The following HERC1 variants were observed in gnomAD, a reference collection of about 807,000 sequenced individuals.
The protein encoded by HERC1 is HECT and RLD domain containing E3 ubiquitin protein ligase family member 1.
Under a neutral mutation model 554.3 loss-of-function variants are expected in HERC1, and 160 were observed. The ratio of observed to expected loss-of-function variants is 0.29; its 90% confidence interval spans 0.25 to 0.33. The LOEUF (loss-of-function observed/expected upper bound fraction) is 0.33, where lower values mean the gene tolerates loss of function less well. Among genes scored for constraint, HERC1 ranks in the 10% least tolerant of loss-of-function variants. The pLI, the probability that HERC1 is intolerant of heterozygous loss-of-function variation, is 1.00. For missense variants in HERC1, 4,919 were observed against 5,918.5 expected (o/e 0.83, Z 5.54); for synonymous variants, 2,175 against 2,131.7 (o/e 1.02, Z -0.56).
intron 2 of HERC1, among the ~76,000 whole-genome samples, chr15:63,770,735 G>C (rs1434607144): frequency 1.3e-5 from 2 of 152,222 alleles, no homozygotes; most frequent in Non-Finnish European, 2.9e-5. Flanking sequence ...AGATGGTTAT[G>C]TGTCTCTCCC....
chr15:63,712,673 T>G (rs559252868), intron 24 of HERC1, 102 bp downstream of exon 24: 54 of 1,043,238 alleles, frequency 5.2e-5, no homozygotes, highest in Non-Finnish European at 6.6e-5. Context: ...GAAAAAATTT[T>G]TATATGTCTA....
At position 63,675,066 on chromosome 15, in the gene HERC1, G is replaced by C. The variant is rs1156634894; in HGVS notation, c.7122C>G (p.Pro2374=). The change falls in exon 38 of 78, where the codon CCC becomes CCG. Residue 2374 remains proline, a synonymous_variant. Coordinates refer to ENST00000443617, the MANE Select transcript of HERC1 (RefSeq NM_003922.4). Reference sequence around the variant, plus strand: ...CCACATCAAACGGCAATGGTTCACAGGGTTCCAGATTATACAATGGAGTAT... The same window carrying C: ...CCACATCAAACGGCAATGGTTCACACGGTTCCAGATTATACAATGGAGTAT... ...PSDTPLYNLE[P]CEPLPFDVAR... 2 of 1,613,970 alleles carry C rather than the reference G, an allele frequency of 1.2e-6. No homozygotes were observed. The highest frequency in any genetic ancestry group is 1.7e-5 in the Admixed American group (1 of 60,016).
intron 19 of HERC1, among the ~76,000 whole-genome samples, chr15:63,720,642 G>A (rs1243811283): frequency 6.6e-6 from 1 of 152,082 alleles, no homozygotes; most frequent in Admixed American, 6.5e-5. Context: ...AAATATGCCA[G>A]ATTTTAAGAA....
At chr15:63,832,070 T>G (rs1042546321) in intron 1 of HERC1, among the ~76,000 whole-genome samples, 1 of 152,240 alleles carries the variant, frequency 6.6e-6, no homozygotes, top group Non-Finnish European at 1.5e-5. Flanking sequence ...CAACCCCAGA[T>G]GACAATCTAT....
At chr15:63,764,661 A>C (rs1169561013) in intron 2 of HERC1, among the ~76,000 whole-genome samples, 1 of 152,166 alleles carries the variant, frequency 6.6e-6, no homozygotes, top group Admixed American at 6.5e-5. Context: ...TTTCACCACA[A>C]CCAAGGTCCC....
At chr15:63,661,605 C>A in intron 45 of HERC1, 148 bp downstream of exon 45, 1 of 751,378 alleles carries the variant, frequency 1.3e-6, no homozygotes, top group African/African-American at 1.8e-5. Flanking sequence ...TTTCTGAAAC[C>A]CCTCCATCCC....
At chr15:63,631,042 G>C (rs528512152) in intron 68 of HERC1, among the ~76,000 whole-genome samples, 273 of 152,178 alleles carry the variant, frequency 1.8e-3, no homozygotes, top group African/African-American at 6.4e-3. Context: ...GCAGTGGTGC[G>C]ACCTCGGCTC....
chr15:63,608,915 A>C lies in HERC1; in HGVS notation c.*166T>G. 1.9e-6 allele frequency: 1 copy of C among 522,848 alleles called. No individual in the cohort carries two copies. The highest frequency in any genetic ancestry group is 3.1e-6 in the Non-Finnish European group (1 of 326,598). 32.4% of individuals were successfully genotyped at this position (522,848 alleles called of 1,614,324 possible). ...TTTGTACAATCACAGAAAAATAAAA[A>C]CATCTAATTTCTTTGTTACATTTAG... is the stretch of plus-strand genomic sequence containing the variant. On this transcript the variant is annotated 3_prime_UTR_variant, in exon 78 of 78. Transcript: ENST00000443617.
intron 18 of HERC1, among the ~76,000 whole-genome samples, chr15:63,723,603 A>T (rs1396805483): frequency 1.3e-5 from 2 of 152,172 alleles, no homozygotes; most frequent in Non-Finnish European, 2.9e-5. Context: ...TTGCAGTCAA[A>T]TGCTTTACCT....
chr15:63,673,150 T>C (rs1446370608), intron 38 of HERC1, among the ~76,000 whole-genome samples: 1 of 152,080 alleles, frequency 6.6e-6, no homozygotes, highest in Non-Finnish European at 1.5e-5. Flanking sequence ...CTTCACAATT[T>C]AAAAAGGACA....
At chr15:63,739,645 C>A (rs1433164504) in intron 12 of HERC1, among the ~76,000 whole-genome samples, 1 of 151,906 alleles carries the variant, frequency 6.6e-6, no homozygotes, top group Non-Finnish European at 1.5e-5. Flanking sequence ...TCAAGACCAG[C>A]CTGGCCAACA....
intron 56 of HERC1, 117 bp from the exon 57 acceptor site, chr15:63,645,214 T>C: frequency 7.6e-6 from 6 of 785,720 alleles, no homozygotes; most frequent in Non-Finnish European, 1.3e-5. Flanking sequence ...TTAAACTTAT[T>C]TGTAGTACAT....
chr15:63,688,901 A>AG (rs905721899), intron 33 of HERC1, among the ~76,000 whole-genome samples: 2 of 152,122 alleles, frequency 1.3e-5, no homozygotes, highest in African/African-American at 4.8e-5. Flanking sequence ...GAAGGGTTTG[A>AG]GGGGGAGACA....
chr15:63,737,648 G>A (rs571846187), intron 12 of HERC1, among the ~76,000 whole-genome samples: 76 of 149,342 alleles, frequency 5.1e-4, no homozygotes, highest in Non-Finnish European at 8.6e-4. Flanking sequence ...CAAAAGTGCT[G>A]GGATTACAGG....
rs1323204569 is a variant in HERC1, at chr15:63,686,354, C to T, written c.6225+5G>A. 29 of 1,581,862 alleles carry T rather than the reference C, an allele frequency of 1.8e-5. No individual in the cohort carries two copies. The highest frequency in any genetic ancestry group is 2.3e-5 in the Non-Finnish European group (27 of 1,168,186). On this transcript the variant is annotated splice_donor_5th_base_variant and intron_variant, in intron 34 of 77. Transcript: ENST00000443617. ...ATGCTAAAAACTATTAGATTTTCTA[C>T]GTACCTTCCACTGATAGCACCCAGA... is the stretch of plus-strand genomic sequence containing the variant.
At chr15:63,815,922 G>A (rs913533984) in intron 1 of HERC1, among the ~76,000 whole-genome samples, 6 of 152,052 alleles carry the variant, frequency 3.9e-5, no homozygotes, top group Non-Finnish European at 5.9e-5. Context: ...CAAAAGGGGG[G>A]AAAGCCCCTT....
intron 31 of HERC1, among the ~76,000 whole-genome samples, chr15:63,690,882 G>C (rs2072066492): frequency 2.0e-5 from 3 of 152,092 alleles, no homozygotes; most frequent in Admixed American, 1.3e-4. Flanking sequence ...TTGTAAAAAA[G>C]TATCTGTGCC....
intron 26 of HERC1, among the ~76,000 whole-genome samples, chr15:63,698,447 G>T (rs1003292653): frequency 3.4e-5 from 5 of 148,514 alleles, no homozygotes; most frequent in Admixed American, 2.0e-4. Flanking sequence ...AGGCTCTGAT[G>T]ACCTATTGTC....
chr15:63,737,444 CTTTTTTCCAGATATATATATATATA>C, intron 12 of HERC1, among the ~76,000 whole-genome samples: 1 of 80,864 alleles, frequency 1.2e-5, no homozygotes, highest in South Asian at 3.7e-4. Context: ...ATATATATAT[CTTTTTTCCAGATATATATATATATA>C]TCTTTTTTCC....
Sources: allele counts gnomAD v4.1 joint callset (sites outside exome capture counted in the v4.1 genomes callset), GRCh38; gene constraint gnomAD v4.1.1; transcripts MANE v1.5; gene names NCBI Gene and HGNC (gene_info 2026-07-23, HGNC 2026-07-21).